CPNE5: variants seen among roughly 807,000 people sequenced by gnomAD.
The protein encoded by CPNE5 is copine-5.
A neutral mutation model predicts 81.1 loss-of-function variants in CPNE5; 42 were observed. The observed-to-expected ratio is 0.52, with a 90% CI of 0.40 to 0.67. The LOEUF (loss-of-function observed/expected upper bound fraction) is 0.67. CPNE5 is among the 30% of genes least tolerant of loss of function. The probability of loss-of-function intolerance (pLI) is 0.00; values close to 1 mark genes in which losing one functional copy is unlikely to be tolerated. For missense variants in CPNE5, 612 were observed against 815.5 expected, an observed-to-expected ratio of 0.75 and a Z score of 3.04; for synonymous variants, 313 against 321.5, an observed-to-expected ratio of 0.97 and a Z score of 0.28.
intron 3 of CPNE5, among the ~76,000 whole-genome samples, chr6:36,805,972 T>C (rs758870535): frequency 3.3e-5 from 5 of 152,164 alleles, no homozygotes; most frequent in Non-Finnish European, 7.4e-5. Context: ...ACAGCTGGGA[T>C]GTATGGGGCA....
Position 36,742,557 on chromosome 6 carries a change from G to C in CPNE5, c.1564-71C>G, listed in dbSNP as rs997305748. On this transcript the variant is annotated intron_variant, in intron 20 of 20. Coordinates refer to ENST00000244751, the MANE Select transcript of CPNE5 (RefSeq NM_020939.2). ...CTGGCCCCCAAAATCTCCAGGCCTG[G>C]GGTTGCATCCCCACCCCCCTCCCAG... 2.2e-5 allele frequency: 34 copies of C among 1,555,802 alleles called. No homozygotes were observed. In the Admixed American group the frequency reaches 6.0e-4, roughly 28 times the overall value.
At chr6:36,773,556 T>G (rs1767229753) in intron 10 of CPNE5, among the ~76,000 whole-genome samples, 1 of 152,192 alleles carries the variant, frequency 6.6e-6, no homozygotes, top group Admixed American at 6.5e-5. Context: ...TGACAGGGGT[T>G]CCCTAAACAT....
At chr6:36,744,223 C>A (rs373546119) in intron 19 of CPNE5, 45 bp downstream of exon 19, 4 of 1,494,030 alleles carry the variant, frequency 2.7e-6, no homozygotes, top group East Asian at 2.4e-5. Context: ...GGCAGGGTTG[C>A]GTGGCTAGGG....
At position 36,780,063 on chromosome 6, in the gene CPNE5, C is replaced by G. The variant is rs531618023; in HGVS notation, c.529-1106G>C. Among the ~76,000 whole-genome samples the G allele has an allele frequency of 1.0e-3, 155 of 151,990 alleles. 3 individuals carry two copies. The highest frequency in any genetic ancestry group is 1.4e-3 in the Non-Finnish European group (98 of 67,988). On this transcript the variant is annotated intron_variant, in intron 8 of 20. Transcript: ENST00000244751. Reference sequence around the variant, plus strand: ...CACTGCAAGCTCCGCCTCCCAGGTTCATGCCATTCTCCTGCTCAGCCTCCC... The same window carrying G: ...CACTGCAAGCTCCGCCTCCCAGGTTGATGCCATTCTCCTGCTCAGCCTCCC...
intron 3 of CPNE5, among the ~76,000 whole-genome samples, chr6:36,807,593 C>T (rs181178339): frequency 2.2e-4 from 34 of 152,280 alleles, no homozygotes; most frequent in Admixed American, 6.5e-4. Flanking sequence ...CTACCACTAA[C>T]ATTTCCTCTT....
chr6:36,774,673 G>A (rs1249525674), intron 10 of CPNE5, among the ~76,000 whole-genome samples: 1 of 152,278 alleles, frequency 6.6e-6, no homozygotes, highest in African/African-American at 2.4e-5. Flanking sequence ...AACCTTGGGA[G>A]TTTCCCACCA....
chr6:36,744,936 C>T (rs777685163), intron 18 of CPNE5, 112 bp downstream of exon 18: 15 of 738,836 alleles, frequency 2.0e-5, no homozygotes, highest in Non-Finnish European at 3.1e-5. Context: ...ACGCCCAAGT[C>T]ATCTCCAAGC....
intron 1 of CPNE5, among the ~76,000 whole-genome samples, chr6:36,834,089 C>CA (rs965089075): frequency 1.4e-5 from 2 of 148,026 alleles, no homozygotes; most frequent in African/African-American, 2.5e-5. Context: ...AAAAAAAAAT[C>CA]AAAAAAAATT....
At chr6:36,782,207 C>T (rs1262156282) in intron 8 of CPNE5, among the ~76,000 whole-genome samples, 2 of 152,094 alleles carry the variant, frequency 1.3e-5, no homozygotes, top group Non-Finnish European at 2.9e-5. Flanking sequence ...TGATCTCGCA[C>T]GAATCTGGAA....
chr6:36,767,499 C>T (rs1766665171), intron 10 of CPNE5, among the ~76,000 whole-genome samples: 1 of 152,216 alleles, frequency 6.6e-6, no homozygotes, highest in Admixed American at 6.5e-5. Context: ...TCGGTCATGG[C>T]CCCACAAGGC....
At chr6:36,813,950 T>G (rs1375275537) in intron 3 of CPNE5, among the ~76,000 whole-genome samples, 2 of 152,226 alleles carry the variant, frequency 1.3e-5, no homozygotes. Flanking sequence ...TTAGTTAGTC[T>G]ACCCACAAAG....
intron 10 of CPNE5, among the ~76,000 whole-genome samples, chr6:36,770,548 A>C (rs916303): frequency 6.6e-6 from 1 of 151,916 alleles, no homozygotes; most frequent in Non-Finnish European, 1.5e-5. Flanking sequence ...ACCTCTTCTC[A>C]CAATAGGAGG....
In CPNE5 at chr6:36,766,494, C is replaced by T. The variant is rs937490421; in HGVS notation, c.738-1118G>A. Among the ~76,000 whole-genome samples, 1 of 152,160 alleles carries T rather than the reference C, an allele frequency of 6.6e-6. No individual in the cohort carries two copies. Among genetic ancestry groups the T allele is most frequent in the African/African-American group, 2.4e-5 (1 of 41,422 alleles). The stretch of plus-strand genomic sequence containing the variant: ...CTGTACAATGAGGCAGGCATGGAAG[C>T]CCACCATTTAAAGGAATCCTTTAGA... On this transcript the variant is annotated intron_variant, in intron 10 of 20. Coordinates refer to ENST00000244751, the MANE Select transcript of CPNE5 (RefSeq NM_020939.2). This position sits in a 1 kb window ranked among gnomAD's most constrained non-coding sequence, Gnocchi z 4.2.
intron 18 of CPNE5, chr6:36,744,585 AC>A (rs566552625): frequency 7.8e-5 from 42 of 540,650 alleles, no homozygotes; most frequent in African/African-American, 7.7e-4. Flanking sequence ...TTGGTGAGTC[AC>A]CCCCATCCCC....
intron 3 of CPNE5, among the ~76,000 whole-genome samples, chr6:36,820,448 TCTC>T (rs1771949024): frequency 6.7e-6 from 1 of 148,684 alleles, no homozygotes; most frequent in Non-Finnish European, 1.5e-5. Flanking sequence ...TTCAAGCAAT[TCTC>T]CTGCCTCAGC....
At chr6:36,824,575 T>G (rs549101037) in intron 1 of CPNE5, among the ~76,000 whole-genome samples, 1 of 152,210 alleles carries the variant, frequency 6.6e-6, no homozygotes, top group Non-Finnish European at 1.5e-5. Context: ...CACAGGGGCC[T>G]CTGCCCCTTG....
intron 12 of CPNE5, 61 bp downstream of exon 12, chr6:36,762,856 C>T (rs947505265): frequency 7.5e-6 from 10 of 1,338,522 alleles, no homozygotes; most frequent in Admixed American, 5.0e-5. Flanking sequence ...TGGCTCACTA[C>T]AGTCCTCAGT....
At chr6:36,834,129 T>C (rs80274223) in intron 1 of CPNE5, among the ~76,000 whole-genome samples, 6,364 of 150,826 alleles carry the variant, frequency 0.042, 223 homozygotes, top group East Asian at 0.1. Context: ...GTGGTGTGTG[T>C]GCGCCTGTAG....
intron 1 of CPNE5, among the ~76,000 whole-genome samples, chr6:36,834,323 A>AG (rs1420855369): frequency 2.4e-5 from 3 of 125,100 alleles, no homozygotes; most frequent in African/African-American, 9.6e-5. Context: ...AAGGAAGGAA[A>AG]GAAAAAAAAA....
Sources: allele counts gnomAD v4.1 joint callset (sites outside exome capture counted in the v4.1 genomes callset), GRCh38; gene constraint gnomAD v4.1.1; non-coding constraint Gnocchi (gnomAD v3.1); transcripts MANE v1.5; gene names NCBI Gene and HGNC (gene_info 2026-07-23, HGNC 2026-07-21).